GPR160: variants seen among roughly 807,000 people sequenced by gnomAD.
The protein encoded by GPR160 is G protein-coupled receptor 160.
Under a neutral mutation model 2.6 loss-of-function variants are expected in GPR160, and 2 were observed. The ratio of observed to expected loss-of-function variants is 0.77; its 90% CI spans 0.32 to 2.44. The LOEUF is 2.44. Ranked by LOEUF, GPR160 falls within the 30% of genes most tolerant of loss-of-function variation. The pLI, the probability that GPR160 is intolerant of heterozygous loss-of-function variation, is 0.11. For synonymous variants in GPR160, 130 were observed against 132.2 expected (o/e 0.98, Z 0.12); for missense variants, 351 against 383.6 (o/e 0.91, Z 0.71).
chr3:170,059,947 A>G (rs6787395), intron 2 of GPR160, among the ~76,000 whole-genome samples: 48,305 of 151,894 alleles, frequency 0.32, 7,978 homozygotes, highest in East Asian at 0.6. Context: ...GTATTTCACT[A>G]TTTCACAAAT....
In GPR160 at chr3:170,084,041, T is replaced by G; in HGVS notation, c.69T>G (p.Asp23Glu). 1 of 1,581,230 alleles carries G rather than the reference T, an allele frequency of 6.3e-7. No individual in the cohort carries two copies. The highest frequency in any genetic ancestry group is 8.6e-7 in the Non-Finnish European group (1 of 1,164,482). Residue 23 changes from aspartate to glutamate, a missense_variant, in exon 4 of 4, where the codon GAT (aspartate) becomes GAG (glutamate). Physicochemically the swap from Asp to Glu is conservative, Grantham distance 45. Transcript: ENST00000355897. ...YQLRQTNQPLDVNYLLFLIIL... is the reference protein window; with the variant it reads ...YQLRQTNQPLEVNYLLFLIIL... Reference sequence around the variant, plus strand: ...TACGTCAAACAAACCAGCCCCTAGATGTTAACTATCTGCTATTCTTGATCA... The same window carrying G: ...TACGTCAAACAAACCAGCCCCTAGAGGTTAACTATCTGCTATTCTTGATCA...
At chr3:170,074,327 C>T (rs1712746412) in intron 2 of GPR160, among the ~76,000 whole-genome samples, 1 of 152,100 alleles carries the variant, frequency 6.6e-6, no homozygotes, top group African/African-American at 2.4e-5. Context: ...TTTCTAGGTA[C>T]TCACTTTCCC....
intron 2 of GPR160, among the ~76,000 whole-genome samples, chr3:170,050,890 A>G (rs1009241279): frequency 5.9e-5 from 9 of 152,332 alleles, no homozygotes; most frequent in Admixed American, 5.2e-4. Context: ...GGGCTTGGCT[A>G]TTATGAATAA....
intron 2 of GPR160, among the ~76,000 whole-genome samples, chr3:170,078,758 C>T (rs1712986329): frequency 5.3e-5 from 8 of 152,136 alleles, no homozygotes; most frequent in Admixed American, 4.6e-4. Flanking sequence ...GTAACTACTG[C>T]GCCTGTCAAA....
chr3:170,061,190 G>C (rs535165041), intron 2 of GPR160, among the ~76,000 whole-genome samples: 2 of 151,446 alleles, frequency 1.3e-5, no homozygotes, highest in Non-Finnish European at 2.9e-5. Flanking sequence ...CAGGAGAATC[G>C]CTTGAACCTG....
At chr3:170,082,751 A>G (rs991267365) in intron 3 of GPR160, among the ~76,000 whole-genome samples, 8 of 149,836 alleles carry the variant, frequency 5.3e-5, no homozygotes, top group African/African-American at 2.0e-4. Context: ...GTGCATCACC[A>G]TGCCCAGGTA....
intron 2 of GPR160, chr3:170,057,218 T>C (rs1711691416): frequency 6.6e-6 from 1 of 152,110 alleles, no homozygotes. Context: ...TAAGTTGAAA[T>C]ACAAAGGGGT....
chr3:170,077,520 C>T (rs1712914943), intron 2 of GPR160: 1 of 152,030 alleles, frequency 6.6e-6, no homozygotes, highest in African/African-American at 2.4e-5. Context: ...TGTTCTCTGA[C>T]CTTGAGGCAG....
At chr3:170,060,390 T>C (rs748900194) in intron 2 of GPR160, among the ~76,000 whole-genome samples, 3 of 152,182 alleles carry the variant, frequency 2.0e-5, no homozygotes, top group Non-Finnish European at 2.9e-5. Context: ...ATGCTAAAAC[T>C]ATCAGGTGAA....
chr3:170,061,772 T>A (rs1430070223), intron 2 of GPR160, among the ~76,000 whole-genome samples: 1 of 152,162 alleles, frequency 6.6e-6, no homozygotes, highest in African/African-American at 2.4e-5. Context: ...TTCCATATTA[T>A]AATTATTGGC....
intron 3 of GPR160, among the ~76,000 whole-genome samples, chr3:170,081,916 G>A (rs12493804): frequency 0.14 from 21,642 of 152,154 alleles, 1,574 homozygotes; most frequent in East Asian, 0.21. Context: ...CTTGTTTTAC[G>A]CTGCATAGTA....
At chr3:170,057,440 C>A (rs11925129) in intron 2 of GPR160, 24,519 of 152,146 alleles carry the variant, frequency 0.16, 2,264 homozygotes, top group East Asian at 0.26. Flanking sequence ...CTGAACTTAA[C>A]ATTAAAAACA....
intron 2 of GPR160, among the ~76,000 whole-genome samples, chr3:170,058,525 C>T (rs1005482115): frequency 6.6e-6 from 1 of 152,176 alleles, no homozygotes; most frequent in Admixed American, 6.5e-5. Context: ...ACAGATTTCT[C>T]ATCAGCAATA....
chr3:170,062,608 ACTT>A, intron 2 of GPR160: 1 of 1,272,470 alleles, frequency 7.9e-7, no homozygotes, highest in Non-Finnish European at 1.1e-6. Flanking sequence ...AAGCAGCAGA[ACTT>A]CCAAAACCTC....
At position 170,084,423 on chromosome 3, in the gene GPR160, CT is replaced by C; in HGVS notation, c.453del (p.Ala152LeufsTer13). On this transcript the variant is annotated frameshift_variant, in exon 4 of 4. Coordinates refer to ENST00000355897, the MANE Select transcript of GPR160 (RefSeq NM_014373.3). LOFTEE classifies it low-confidence loss of function (END_TRUNC). ...AGTAATTTTAATTTGGATTTCAGTC[CT>C]TGCTTATGTTTTGGGAGACCCAGCC... The part of the protein sequence containing the change: ...FTVILIWISV[L>X]AYVLGDPAIY... The C allele has an allele frequency of 2.5e-6, 4 of 1,609,286 alleles. No homozygotes were observed. The South Asian group carries it at 4.4e-5, about 18-fold the overall frequency.
intron 2 of GPR160, among the ~76,000 whole-genome samples, chr3:170,060,928 G>C (rs1242619625): frequency 6.6e-6 from 1 of 152,076 alleles, no homozygotes; most frequent in Admixed American, 6.6e-5. Context: ...AAAACAATTA[G>C]ACAAATCGAG....
chr3:170,054,733 C>T (rs926753122), intron 2 of GPR160, among the ~76,000 whole-genome samples: 1 of 151,540 alleles, frequency 6.6e-6, no homozygotes, highest in African/African-American at 2.4e-5. Flanking sequence ...CTTCTGTCTG[C>T]TTATTCACTT....
chr3:170,084,351 A>C lies in GPR160; in HGVS notation c.379A>C (p.Thr127Pro). The C allele has an allele frequency of 6.2e-7, 1 of 1,609,458 alleles. No individual in the cohort carries two copies. Among genetic ancestry groups the C allele is most frequent in the East Asian group, 2.2e-5 (1 of 44,844 alleles). ...CIDYCLNFSK[T>P]TKLSFKCQKL... The stretch of plus-strand genomic sequence containing the variant: ...AGATTATTGCCTGAATTTCTCTAAA[A>C]CAACCAAGCTTTCATTTAAGTGTCA... The change falls in exon 4 of 4, where the codon ACA (threonine) becomes CCA (proline). Residue 127 changes from threonine to proline, a missense_variant. Physicochemically the swap from Thr to Pro is conservative, Grantham distance 38. Coordinates refer to ENST00000355897, the MANE Select transcript of GPR160 (RefSeq NM_014373.3).
At chr3:170,055,337 T>A (rs1314742647) in intron 2 of GPR160, among the ~76,000 whole-genome samples, 1 of 152,132 alleles carries the variant, frequency 6.6e-6, no homozygotes, top group East Asian at 1.9e-4. Context: ...GGATCTCCCT[T>A]AGGTGGTTGT....
Sources: gnomAD v4.1 joint callset for allele counts (sites outside exome capture counted in the v4.1 genomes callset) on GRCh38, gnomAD v4.1.1 for gene constraint, MANE v1.5 for transcripts, NCBI Gene and HGNC (gene_info 2026-07-23, HGNC 2026-07-21) for gene names.